TMEM200C: variants seen among roughly 807,000 people sequenced by gnomAD.
TMEM200C encodes transmembrane protein 200C, also known as transmembrane protein TTMA.
For synonymous variants in TMEM200C, 462 were observed against 324.7 expected (o/e 1.42, Z -4.55); for missense variants, 966 against 699.9 (o/e 1.38, Z -4.29).
exon 3 of TMEM200C, chr18:5,890,129 G>T (rs1211767205): frequency 2.8e-6 from 4 of 1,429,308 alleles, no homozygotes; most frequent in Non-Finnish European, 3.7e-6. Context: ...ACAGGGACCT[G>T]TTAATGCACT....
At chr18:5,888,862 G>C (rs1052271642) in exon 3 of TMEM200C, 1 of 152,162 alleles carries the variant, frequency 6.6e-6, no homozygotes, top group Non-Finnish European at 1.5e-5. Context: ...CTCAGAGTTT[G>C]TGACTTGTAC....
At chr18:5,884,658 AG>A (rs1192044559) in exon 3 of TMEM200C, 2 of 152,170 alleles carry the variant, frequency 1.3e-5, no homozygotes, top group Non-Finnish European at 2.9e-5. Flanking sequence ...CTTACTATAC[AG>A]GTGAAATCAG....
chr18:5,893,198 T>A (rs2095172901), intron 2 of TMEM200C, among the ~76,000 whole-genome samples: 1 of 152,196 alleles, frequency 6.6e-6, no homozygotes. Context: ...AGAGTCCCAG[T>A]ATTCAAATGA....
At chr18:5,894,239 T>A (rs960979954) in intron 2 of TMEM200C, among the ~76,000 whole-genome samples, 8 of 152,168 alleles carry the variant, frequency 5.3e-5, no homozygotes, top group African/African-American at 1.9e-4. Context: ...TTGGCTCCGG[T>A]AGAATGTAAG....
chr18:5,895,539 C>A lies in TMEM200C; in HGVS notation c.-545-59G>T, dbSNP rs1329344878. ...CGGCAGGGTGGCGGTCGGGGCCCGCCCGGCTCGGCGGAGTCGGGGGGCGCC... is the reference window on the plus strand; with the variant it reads ...CGGCAGGGTGGCGGTCGGGGCCCGCACGGCTCGGCGGAGTCGGGGGGCGCC... On this transcript the variant is annotated intron_variant, in intron 1 of 2. Transcript: ENST00000581347. The A allele has an allele frequency of 6.7e-6, 1 of 148,158 alleles. No homozygotes were observed. Among genetic ancestry groups the A allele is most frequent in the East Asian group, 2.0e-4 (1 of 4,972 alleles). The allele number at this position is 148,158 out of a possible 1,614,324, so 9.2% of individuals were successfully genotyped here. A position where few individuals can be genotyped will look rare whatever the true frequency, so the allele number is the denominator to read the frequency against.
At chr18:5,895,766 C>T (rs1207091498) in intron 1 of TMEM200C, 1 of 150,872 alleles carries the variant, frequency 6.6e-6, no homozygotes, top group Non-Finnish European at 1.5e-5. Flanking sequence ...CGCGGGGTGC[C>T]TCCTCGGCCT....
At chr18:5,886,718 T>G (rs1599524086) in exon 3 of TMEM200C, 1 of 152,180 alleles carries the variant, frequency 6.6e-6, no homozygotes, top group East Asian at 1.9e-4. Flanking sequence ...TTTAAATAAT[T>G]AATTCTATGT....
exon 3 of TMEM200C, chr18:5,883,026 T>C (rs1288276376): frequency 7.1e-6 from 1 of 140,166 alleles, no homozygotes; most frequent in African/African-American, 2.4e-5. Flanking sequence ...CAGCACTTTA[T>C]CTACCAGCAT....
chr18:5,890,390 C>G, exon 3 of TMEM200C: 8 of 1,581,744 alleles, frequency 5.1e-6, no homozygotes, highest in Non-Finnish European at 6.9e-6. Flanking sequence ...CAGAGTCTCG[C>G]GTTTGACCAG....
chr18:5,893,379 G>T (rs1489529326), intron 2 of TMEM200C, among the ~76,000 whole-genome samples: 1 of 144,366 alleles, frequency 6.9e-6, no homozygotes, highest in Admixed American at 6.7e-5. Context: ...CTCTTAGGAA[G>T]TTTATTTAGT....
At position 5,891,700 on chromosome 18, in the gene TMEM200C, C is replaced by A; in HGVS notation, c.364G>T (p.Gly122Cys). The change falls in exon 3 of 3, where the codon GGT (glycine) becomes TGT (cysteine). Residue 122 changes from glycine (G) to cysteine (C), a missense_variant. Physicochemically the swap from Gly to Cys is radical, Grantham distance 159 (BLOSUM62 -3). Transcript: ENST00000581347. The surrounding 1 kb of genome is among the most constrained non-coding windows in gnomAD (Gnocchi z 4.7). ...GCGCCCGCGGAACTGGAGTTGACAC[C>A]CCCTGGAGCCCTAGGGTGGCTCCTG... 6.2e-7 allele frequency: 1 copy of A among 1,613,512 alleles called. No homozygotes were observed. Among genetic ancestry groups the A allele is most frequent in the Non-Finnish European group, 8.5e-7 (1 of 1,179,822 alleles).
In TMEM200C at chr18:5,891,392, GGCGGCC is replaced by G. The variant is rs1599526821; in HGVS notation, c.666_671del (p.Ala229_Ala230del). 13 of 1,345,742 alleles carry G rather than the reference GGCGGCC, an allele frequency of 9.7e-6. No homozygotes were observed. The highest frequency in any genetic ancestry group is 1.2e-5 in the Non-Finnish European group (13 of 1,052,918). 83.4% of individuals were successfully genotyped at this position (1,345,742 alleles called of 1,614,324 possible). A position where few individuals can be genotyped will look rare whatever the true frequency, so the allele number is the denominator to read the frequency against. ...ACGAAGAGGCGGCGGCGGCCGCGGCGGCGGCCGCGGCGGCCGCCAGGTCTTTGGCGC... is the reference window on the plus strand; with the variant it reads ...ACGAAGAGGCGGCGGCGGCCGCGGCGGCGGCGGCCGCCAGGTCTTTGGCGC... On this transcript the variant is annotated inframe_deletion, in exon 3 of 3. Transcript: ENST00000581347. The surrounding 1 kb of genome is among the most constrained non-coding windows in gnomAD (Gnocchi z 4.7).
At chr18:5,895,720 A>G (rs2095175633) in intron 1 of TMEM200C, 198 bp from the exon 1 acceptor site, 1 of 148,842 alleles carries the variant, frequency 6.7e-6, no homozygotes, top group African/African-American at 2.5e-5. Flanking sequence ...CGGCGGAGGC[A>G]GCCGGCACGG....
chr18:5,885,312 G>T (rs913846311), exon 3 of TMEM200C: 2 of 152,078 alleles, frequency 1.3e-5, no homozygotes, highest in African/African-American at 4.8e-5. Flanking sequence ...ATTGAGACAG[G>T]CCCATACTTT....
At chr18:5,890,509 T>C (rs772286280) in exon 3 of TMEM200C, 29 of 1,524,016 alleles carry the variant, frequency 1.9e-5, no homozygotes, top group Non-Finnish European at 2.5e-5. Context: ...GAGTCCCGCC[T>C]GGTGGGGGGC....
exon 3 of TMEM200C, chr18:5,890,776 C>T (rs1387255785): frequency 1.6e-6 from 1 of 643,962 alleles, no homozygotes; most frequent in East Asian, 3.3e-5. Flanking sequence ...CGCATGCTGC[C>T]CTCTGCGCCG....
chr18:5,893,852 T>A (rs2144459335), intron 2 of TMEM200C, among the ~76,000 whole-genome samples: 1 of 152,112 alleles, frequency 6.6e-6, no homozygotes, highest in South Asian at 2.1e-4. Context: ...AAGAGAGGGG[T>A]CAGTATAGAG....
At chr18:5,896,152 C>T (rs1393368115), upstream of TMEM200C, among the ~76,000 whole-genome samples, 1 of 152,160 alleles carries the variant, frequency 6.6e-6, no homozygotes, top group Non-Finnish European at 1.5e-5. Context: ...GACGGGCGCA[C>T]CGCGGGACGC....
exon 3 of TMEM200C, chr18:5,883,622 T>A (rs1198936848): frequency 6.6e-6 from 1 of 152,186 alleles, no homozygotes; most frequent in African/African-American, 2.4e-5. Context: ...AAATTATTTA[T>A]GTTTCCTGAT....
Sources: gnomAD v4.1 joint callset for allele counts (sites outside exome capture counted in the v4.1 genomes callset) on GRCh38, gnomAD v4.1.1 for gene constraint, Gnocchi (gnomAD v3.1) non-coding constraint, MANE v1.5 for transcripts, NCBI Gene and HGNC (gene_info 2026-07-23, HGNC 2026-07-21) for gene names.